ZMAT4: variants seen among roughly 807,000 people sequenced by gnomAD.
ZMAT4 encodes the protein zinc finger matrin-type protein 4.
Under a neutral mutation model 28.7 loss-of-function variants are expected in ZMAT4, and 17 were observed. That is an observed-to-expected ratio of 0.59 (90% CI 0.41 to 0.89). ZMAT4 has a LOEUF of 0.89. ZMAT4 is among the 40% of genes least tolerant of loss of function. The pLI is 0.00. For missense variants in ZMAT4, 240 were observed against 283.8 expected, an observed-to-expected ratio of 0.85 and a Z score of 1.11; for synonymous variants, 117 against 109.2, an observed-to-expected ratio of 1.07 and a Z score of -0.44.
intron 5 of ZMAT4, among the ~76,000 whole-genome samples, chr8:40,611,257 G>A (rs1272427727): frequency 6.6e-6 from 1 of 152,122 alleles, no homozygotes; most frequent in African/African-American, 2.4e-5. Flanking sequence ...CATTATTTAG[G>A]TTGTGGTCCA....
intron 3 of ZMAT4, among the ~76,000 whole-genome samples, chr8:40,710,018 A>T (rs549280420): frequency 5.9e-4 from 89 of 150,410 alleles, no homozygotes; most frequent in African/African-American, 2.0e-3. Context: ...AGCCTGGGCA[A>T]CAGTCTGAGA....
At chr8:40,746,966 C>A (rs928160513) in intron 3 of ZMAT4, among the ~76,000 whole-genome samples, 1 of 152,124 alleles carries the variant, frequency 6.6e-6, no homozygotes, top group East Asian at 1.9e-4. Flanking sequence ...TCCCTCATTC[C>A]GAGGCTGGTG....
At chr8:40,686,654 T>C (rs1373600632) in intron 4 of ZMAT4, among the ~76,000 whole-genome samples, 5 of 152,038 alleles carry the variant, frequency 3.3e-5, no homozygotes, top group African/African-American at 1.2e-4. Context: ...GTAATAACAA[T>C]TTTTAAAAAT....
At chr8:40,590,159 G>A (rs1276238162) in intron 5 of ZMAT4, among the ~76,000 whole-genome samples, 3 of 151,206 alleles carry the variant, frequency 2.0e-5, no homozygotes, top group Non-Finnish European at 4.4e-5. Context: ...ATTCTGCTGG[G>A]ACCACAGGCA....
intron 5 of ZMAT4, among the ~76,000 whole-genome samples, chr8:40,647,370 G>T (rs1026573443): frequency 1.3e-5 from 2 of 152,226 alleles, no homozygotes; most frequent in African/African-American, 2.4e-5. Context: ...TTTCTGACGG[G>T]CTTAAAACAC....
chr8:40,619,964 G>A (rs868320527), intron 5 of ZMAT4, among the ~76,000 whole-genome samples: 5 of 152,142 alleles, frequency 3.3e-5, no homozygotes, highest in African/African-American at 1.2e-4. Flanking sequence ...TAGTTTCTTT[G>A]AGTGAATCAC....
At chr8:40,897,296 A>G (rs1471528026) in intron 1 of ZMAT4, among the ~76,000 whole-genome samples, 1 of 152,152 alleles carries the variant, frequency 6.6e-6, no homozygotes, top group Non-Finnish European at 1.5e-5. Context: ...AGCGGAAAAC[A>G]CAAACAACCA....
intron 1 of ZMAT4, among the ~76,000 whole-genome samples, chr8:40,843,254 G>A (rs1398328053): frequency 6.6e-6 from 1 of 152,100 alleles, no homozygotes; most frequent in African/African-American, 2.4e-5. Context: ...TATGAATCAA[G>A]TCCTTCATTC....
chr8:40,705,319 AAT>A (rs1346392824), intron 3 of ZMAT4, among the ~76,000 whole-genome samples: 2 of 152,214 alleles, frequency 1.3e-5, no homozygotes, highest in Non-Finnish European at 2.9e-5. Flanking sequence ...TGGCTAAGAA[AAT>A]GCTGCAAATG....
intron 6 of ZMAT4, among the ~76,000 whole-genome samples, chr8:40,544,752 G>A (rs1166375966): frequency 6.6e-6 from 1 of 152,158 alleles, no homozygotes; most frequent in East Asian, 1.9e-4. Flanking sequence ...AATTCTAATG[G>A]GAAGTAGCAA....
chr8:40,786,721 G>GT, intron 2 of ZMAT4: 1 of 1,289,246 alleles, frequency 7.8e-7, no homozygotes, highest in South Asian at 1.2e-5. Context: ...CTTCTTCAGT[G>GT]TGACATCTTC....
At chr8:40,605,473 A>G (rs897047815) in intron 5 of ZMAT4, among the ~76,000 whole-genome samples, 1 of 152,076 alleles carries the variant, frequency 6.6e-6, no homozygotes, top group African/African-American at 2.4e-5. Flanking sequence ...TTTAATTTTC[A>G]TGTATTTGTA....
At chr8:40,782,137 C>A (rs868465952) in intron 2 of ZMAT4, among the ~76,000 whole-genome samples, 7 of 152,124 alleles carry the variant, frequency 4.6e-5, no homozygotes, top group Non-Finnish European at 1.0e-4. Flanking sequence ...CCTGTAATCC[C>A]AGCATTTTGG....
chr8:40,707,894 A>G (rs1302276992), intron 3 of ZMAT4, among the ~76,000 whole-genome samples: 1 of 152,192 alleles, frequency 6.6e-6, no homozygotes, highest in Non-Finnish European at 1.5e-5. Context: ...AGACCATTTA[A>G]TAAATATCTA....
At chr8:40,610,996 C>T (rs1214322527) in intron 5 of ZMAT4, among the ~76,000 whole-genome samples, 2 of 149,756 alleles carry the variant, frequency 1.3e-5, no homozygotes, top group African/African-American at 4.9e-5. Context: ...CAATTATCAT[C>T]TCCAAAAAGA....
At chr8:40,720,985 T>C (rs193290988) in intron 3 of ZMAT4, among the ~76,000 whole-genome samples, 5 of 152,000 alleles carry the variant, frequency 3.3e-5, no homozygotes, top group East Asian at 1.9e-4. Flanking sequence ...TGTTTGTTTG[T>C]TTTTTATTAT....
chr8:40,882,787 A>G (rs1818326861), intron 1 of ZMAT4, among the ~76,000 whole-genome samples: 1 of 152,140 alleles, frequency 6.6e-6, no homozygotes, highest in African/African-American at 2.4e-5. Flanking sequence ...GGACTATTTG[A>G]GAGAAATCTG....
intron 4 of ZMAT4, among the ~76,000 whole-genome samples, chr8:40,677,157 C>T (rs1215671069): frequency 2.0e-5 from 3 of 152,248 alleles, no homozygotes; most frequent in African/African-American, 7.2e-5. Flanking sequence ...CCTTCTACAC[C>T]ATATCCTGGT....
At chr8:40,617,900 A>G (rs1238203373) in intron 5 of ZMAT4, among the ~76,000 whole-genome samples, 1 of 152,240 alleles carries the variant, frequency 6.6e-6, no homozygotes, top group Non-Finnish European at 1.5e-5. Context: ...TTCAAAATGA[A>G]AAATTTCCTC....
Sources: gnomAD v4.1 joint callset for allele counts (sites outside exome capture counted in the v4.1 genomes callset) on GRCh38, gnomAD v4.1.1 for gene constraint, MANE v1.5 for transcripts, NCBI Gene and HGNC (gene_info 2026-07-23, HGNC 2026-07-21) for gene names.